CEP164: variants seen among roughly 807,000 people sequenced by gnomAD.
The protein encoded by CEP164 is centrosomal protein of 164 kDa.
In CEP164, 162 loss-of-function variants were observed where a neutral mutation model predicts 182.7. The ratio of observed to expected loss-of-function variants is 0.89; its 90% CI spans 0.78 to 1.01. The LOEUF is 1.01. CEP164 is among the 50% of genes least tolerant of loss of function. The pLI is 0.00. For missense variants in CEP164, 1,735 were observed against 1,790.4 expected, an observed-to-expected ratio of 0.97 and a Z score of 0.56; for synonymous variants, 661 against 690.0, an observed-to-expected ratio of 0.96 and a Z score of 0.66.
chr11:117,337,112 ATAC>A (rs976695556), intron 2 of CEP164, among the ~76,000 whole-genome samples: 5 of 152,106 alleles, frequency 3.3e-5, no homozygotes, highest in African/African-American at 1.2e-4. Context: ...CCGTAACACA[ATAC>A]CGTAGACTGG....
intron 24 of CEP164, 54 bp downstream of exon 24, chr11:117,395,776 G>T: frequency 1.3e-6 from 2 of 1,550,572 alleles, no homozygotes; most frequent in South Asian, 1.2e-5. Context: ...CCTGCCCTCT[G>T]ACCTCTGCTG....
In CEP164 at chr11:117,412,172, C is replaced by T. The variant is rs1281141851; in HGVS notation, c.*4C>T. The T allele has an allele frequency of 6.2e-7, 1 of 1,613,542 alleles. No homozygotes were observed. The highest frequency in any genetic ancestry group is 1.3e-5 in the African/African-American group (1 of 74,920). ...AGTGAAGGTGTATCGCTTCTGAGGCCCTGAGCAGGGGCTTGGGGCAGCCCA... is the reference window on the plus strand; with the variant it reads ...AGTGAAGGTGTATCGCTTCTGAGGCTCTGAGCAGGGGCTTGGGGCAGCCCA... On this transcript the variant is annotated 3_prime_UTR_variant, in exon 33 of 33. Coordinates refer to ENST00000278935, the MANE Select transcript of CEP164 (RefSeq NM_014956.5).
At chr11:117,367,642 A>G (rs2041792624) in intron 8 of CEP164, among the ~76,000 whole-genome samples, 1 of 152,208 alleles carries the variant, frequency 6.6e-6, no homozygotes, top group Non-Finnish European at 1.5e-5. Context: ...ATCATTTAGC[A>G]TTAGGTATCC....
At chr11:117,384,118 G>A (rs1173213134) in intron 14 of CEP164, among the ~76,000 whole-genome samples, 1 of 152,206 alleles carries the variant, frequency 6.6e-6, no homozygotes, top group South Asian at 2.1e-4. Flanking sequence ...TCTCTGCATA[G>A]AGAAAGAGAA....
intron 1 of CEP164, among the ~76,000 whole-genome samples, chr11:117,322,393 C>G (rs893037553): frequency 6.6e-6 from 1 of 152,108 alleles, no homozygotes; most frequent in Non-Finnish European, 1.5e-5. Context: ...GATTTATAGG[C>G]GTGAGCCACC....
intron 27 of CEP164, among the ~76,000 whole-genome samples, chr11:117,399,837 G>A (rs935907065): frequency 2.6e-5 from 4 of 152,002 alleles, no homozygotes; most frequent in Admixed American, 6.6e-5. Flanking sequence ...GAGGTTGTTT[G>A]TTTTTTTCTT....
At chr11:117,392,692 G>A in intron 19 of CEP164, 65 bp downstream of exon 19, 3 of 1,564,488 alleles carry the variant, frequency 1.9e-6, no homozygotes, top group Non-Finnish European at 2.6e-6. Flanking sequence ...AGTCAGCTGA[G>A]CCGGCCTAGC....
At chr11:117,366,372 G>C (rs1362606783) in intron 8 of CEP164, among the ~76,000 whole-genome samples, 1 of 152,170 alleles carries the variant, frequency 6.6e-6, no homozygotes, top group Non-Finnish European at 1.5e-5. Context: ...TTCCATGAGA[G>C]GGCAGTAGGA....
chr11:117,340,902 C>A (rs373372237), intron 3 of CEP164, among the ~76,000 whole-genome samples: 1 of 152,164 alleles, frequency 6.6e-6, no homozygotes, highest in Admixed American at 6.5e-5. Flanking sequence ...GGCGTGAGCT[C>A]GGCTCGCTGC....
intron 27 of CEP164, among the ~76,000 whole-genome samples, chr11:117,405,149 C>G (rs1161753164): frequency 6.6e-6 from 1 of 152,172 alleles, no homozygotes; most frequent in Non-Finnish European, 1.5e-5. Flanking sequence ...AGCCCCGTTT[C>G]CAGAGGAGTG....
At chr11:117,326,793 C>A (rs940123882), upstream of CEP164, among the ~76,000 whole-genome samples, 2 of 152,206 alleles carry the variant, frequency 1.3e-5, no homozygotes, top group African/African-American at 2.4e-5. Flanking sequence ...TAGAACCTAT[C>A]AGGAGCGGCT....
chr11:117,392,657 G>A, intron 19 of CEP164, 30 bp downstream of exon 19: 1 of 1,608,096 alleles, frequency 6.2e-7, no homozygotes, highest in Non-Finnish European at 8.5e-7. Context: ...CCACAGTCGT[G>A]TGCGCCTGTT....
At position 117,410,322 on chromosome 11, in the gene CEP164, C is replaced by G; in HGVS notation, c.4096+357C>G. ...CCATCTTGTGCAATACATGATGGGC[C>G]AAGCAGTTTATATATATTTTTTCAT... On this transcript the variant is annotated intron_variant, in intron 30 of 32. Coordinates refer to ENST00000278935, the MANE Select transcript of CEP164 (RefSeq NM_014956.5). The G allele has an allele frequency of 1.8e-5, 7 of 393,342 alleles. No individual in the cohort carries two copies. In the South Asian group the frequency reaches 2.1e-4, roughly 12 times the overall value. The allele number at this position is 393,342 out of a possible 1,614,324, so 24.4% of individuals were successfully genotyped here.
rs368316142 is a variant in CEP164 at position 117,383,591 on chromosome 11, A to G, written c.1724+649A>G. ...TTTTCTGATTCACCTATGTTGTTGA[A>G]CCAAGTACTTCTAAAATTTAGAAAT... On this transcript the variant is annotated intron_variant, in intron 14 of 32. Coordinates refer to ENST00000278935, the MANE Select transcript of CEP164 (RefSeq NM_014956.5). Among the ~76,000 whole-genome samples, 40 of 152,306 alleles carry G rather than the reference A, an allele frequency of 2.6e-4. 1 individual carries two copies. The South Asian group carries it at 8.1e-3, about 31-fold the overall frequency.
chr11:117,344,299 C>A, intron 4 of CEP164, 22 bp downstream of exon 4: 1 of 1,548,730 alleles, frequency 6.5e-7, no homozygotes, highest in Non-Finnish European at 8.9e-7. Flanking sequence ...GGGGGTGCGG[C>A]CACTGACTTG....
intron 14 of CEP164, chr11:117,386,701 T>C (rs2043997821): frequency 6.4e-6 from 1 of 156,382 alleles, no homozygotes; most frequent in Admixed American, 6.1e-5. Context: ...TACCTGCTGC[T>C]GCTTCTTTCA....
chr11:117,396,779 A>G (rs1469930055), intron 26 of CEP164, among the ~76,000 whole-genome samples, 168 bp downstream of exon 26: 1 of 152,254 alleles, frequency 6.6e-6, no homozygotes, highest in African/African-American at 2.4e-5. Context: ...CTGGCAAGCC[A>G]AGAAACTGCC....
chr11:117,396,653 T>C (rs1241478197), intron 26 of CEP164, 42 bp downstream of exon 26: 2 of 1,497,048 alleles, frequency 1.3e-6, no homozygotes, highest in South Asian at 1.1e-5. Context: ...TAGGGTACCA[T>C]GAAGGGGTAA....
chr11:117,364,305 ATCAAACAAG>A (rs1419238227), intron 8 of CEP164, among the ~76,000 whole-genome samples: 1 of 152,260 alleles, frequency 6.6e-6, no homozygotes, highest in Non-Finnish European at 1.5e-5. Context: ...ATACCTTAAC[ATCAAACAAG>A]TCACTCACAC....
Sources: gnomAD v4.1 joint callset for allele counts (sites outside exome capture counted in the v4.1 genomes callset) on GRCh38, gnomAD v4.1.1 for gene constraint, MANE v1.5 for transcripts, NCBI Gene and HGNC (gene_info 2026-07-23, HGNC 2026-07-21) for gene names.